KCNQ1OT1: variants seen among roughly 807,000 people sequenced by gnomAD.
KCNQ1OT1 encodes KCNQ1 antisense RNA 2 (non-protein coding).
rs1168195529 is a variant in KCNQ1OT1 at position 2,646,377 on chromosome 11, TG to T, written n.53617del. 9 of 398,534 alleles carry T rather than the reference TG, an allele frequency of 2.3e-5. No individual in the cohort carries two copies. In the Admixed American group the frequency reaches 3.1e-4, roughly 14 times the overall value. 24.7% of individuals were successfully genotyped at this position (398,534 alleles called of 1,614,324 possible). ...AAAATTTTGTAGCCTCTTCAATTAC[TG>T]TTATCAGTATTTTATAGTTTTCATT... On this transcript the variant is annotated non_coding_transcript_exon_variant, in exon 1 of 1. Coordinates refer to ENST00000597346, the Ensembl canonical transcript of KCNQ1OT1.
exon 1 of KCNQ1OT1, chr11:2,618,656 T>G (rs1346683086): frequency 2.5e-6 from 1 of 398,570 alleles, no homozygotes; most frequent in East Asian, 3.6e-5. Context: ...AGAACAGAAT[T>G]TTCAGAATTT....
rs1270053619 is a variant in KCNQ1OT1, at chr11:2,659,873, AT to A, written n.40121del. The stretch of plus-strand genomic sequence containing the variant: ...CTTTTCATGTGCTTATTTATAATCC[AT>A]TTTTAAAATTGGATTGTTCACTTTA... On this transcript the variant is annotated non_coding_transcript_exon_variant, in exon 1 of 1. Coordinates refer to ENST00000597346, the Ensembl canonical transcript of KCNQ1OT1. The surrounding 1 kb of genome is among the most constrained non-coding windows in gnomAD (Gnocchi z 4.3). 1 of 398,360 alleles carries A rather than the reference AT, an allele frequency of 2.5e-6. No individual in the cohort carries two copies. The highest frequency in any genetic ancestry group is 3.6e-5 in the East Asian group (1 of 28,026). The allele number at this position is 398,360 out of a possible 1,614,324, so 24.7% of individuals were successfully genotyped here.
In KCNQ1OT1 at chr11:2,657,986, CACTGTAAGTGAA is replaced by C; in HGVS notation, n.41997_42008del. On this transcript the variant is annotated non_coding_transcript_exon_variant, in exon 1 of 1. Coordinates refer to ENST00000597346, the Ensembl canonical transcript of KCNQ1OT1. The surrounding 1 kb of genome is among the most constrained non-coding windows in gnomAD (Gnocchi z 4.8). ...TAAAGTGGTGTCGGCCAGGCTCCTC[CACTGTAAGTGAA>C]TAGCTGTTTTTCCCTTTCCATAGCT... 1 of 398,584 alleles carries C rather than the reference CACTGTAAGTGAA, an allele frequency of 2.5e-6. No individual in the cohort carries two copies. Among genetic ancestry groups the C allele is most frequent in the Non-Finnish European group, 4.4e-6 (1 of 226,052 alleles). The allele number at this position is 398,584 out of a possible 1,614,324, so 24.7% of individuals were successfully genotyped here. A position where few individuals can be genotyped will look rare whatever the true frequency, so the allele number is the denominator to read the frequency against.
At chr11:2,689,796 A>T in exon 1 of KCNQ1OT1, 1 of 398,712 alleles carries the variant, frequency 2.5e-6, no homozygotes, top group Admixed American at 4.4e-5. Flanking sequence ...GAGGGGAAGC[A>T]CTGCGTTCTC....
At chr11:2,666,255 C>A in exon 1 of KCNQ1OT1, 1 of 398,624 alleles carries the variant, frequency 2.5e-6, no homozygotes, top group Non-Finnish European at 4.4e-6. Flanking sequence ...GGGGGAGGAC[C>A]AGGACCCCCG....
Position 2,621,281 on chromosome 11 carries a change from T to C in KCNQ1OT1, n.78714A>G. On this transcript the variant is annotated non_coding_transcript_exon_variant, in exon 1 of 1. Transcript: ENST00000597346. The surrounding 1 kb of genome is among the most constrained non-coding windows in gnomAD (Gnocchi z 5.7). ...GCATGAGCCACCGTGCCTGGCCTCA[T>C]TATTTGCATTTCTGATTATTAGTGA... 1 of 398,534 alleles carries C rather than the reference T, an allele frequency of 2.5e-6. No homozygotes were observed. The allele number at this position is 398,534 out of a possible 1,614,324, so 24.7% of individuals were successfully genotyped here. A position where few individuals can be genotyped will look rare whatever the true frequency, so the allele number is the denominator to read the frequency against.
Position 2,617,348 on chromosome 11 carries a change from CTTAT to C in KCNQ1OT1, n.82643_82646del. 1 of 398,276 alleles carries C rather than the reference CTTAT, an allele frequency of 2.5e-6. No homozygotes were observed. Among genetic ancestry groups the C allele is most frequent in the Non-Finnish European group, 4.4e-6 (1 of 225,888 alleles). 24.7% of individuals were successfully genotyped at this position (398,276 alleles called of 1,614,324 possible). ...TTTAAAACTTTTCATTTGTATATGGCTTATTTAACTTAGCACAATGTCTTCCAGT... is the reference window on the plus strand; with the variant it reads ...TTTAAAACTTTTCATTTGTATATGGCTTAACTTAGCACAATGTCTTCCAGT... On this transcript the variant is annotated non_coding_transcript_exon_variant, in exon 1 of 1. Transcript: ENST00000597346. This position sits in a 1 kb window ranked among gnomAD's most constrained non-coding sequence, Gnocchi z 4.6.
At chr11:2,692,725 C>T (rs1465025113) in exon 1 of KCNQ1OT1, 4 of 398,660 alleles carry the variant, frequency 1.0e-5, no homozygotes, top group African/African-American at 6.2e-5. Context: ...TAGGCAGGTC[C>T]CTGCTCCTAT....
rs1034551043 is a variant in KCNQ1OT1, at chr11:2,624,577, A to G, written n.75418T>C. 4 of 398,392 alleles carry G rather than the reference A, an allele frequency of 1.0e-5. No homozygotes were observed. The highest frequency in any genetic ancestry group is 4.4e-5 in the Admixed American group (1 of 22,708). The allele number at this position is 398,392 out of a possible 1,614,324, so 24.7% of individuals were successfully genotyped here. A position where few individuals can be genotyped will look rare whatever the true frequency, so the allele number is the denominator to read the frequency against. On this transcript the variant is annotated non_coding_transcript_exon_variant, in exon 1 of 1. Coordinates refer to ENST00000597346, the Ensembl canonical transcript of KCNQ1OT1. The surrounding 1 kb of genome is among the most constrained non-coding windows in gnomAD (Gnocchi z 4.9). ...TTTCCAAATCTTTTATTGTGGCAAA[A>G]TACACTTAACATAAAAATTACCATC...
rs541719547 is a variant in KCNQ1OT1, at chr11:2,679,746, T to C, written n.20249A>G. 5.0e-6 allele frequency: 2 copies of C among 398,576 alleles called. No homozygotes were observed. Among genetic ancestry groups the C allele is most frequent in the Non-Finnish European group, 8.8e-6 (2 of 226,050 alleles). The allele number at this position is 398,576 out of a possible 1,614,324, so 24.7% of individuals were successfully genotyped here. A position where few individuals can be genotyped will look rare whatever the true frequency, so the allele number is the denominator to read the frequency against. On this transcript the variant is annotated non_coding_transcript_exon_variant, in exon 1 of 1. Coordinates refer to ENST00000597346, the Ensembl canonical transcript of KCNQ1OT1. This position sits in a 1 kb window ranked among gnomAD's most constrained non-coding sequence, Gnocchi z 4.8. Reference sequence around the variant, plus strand: ...GTCCAGATGCTGTGGACAGTGATGATGGGAAAATAGTCCCTGCTGCACACT... The same window carrying C: ...GTCCAGATGCTGTGGACAGTGATGACGGGAAAATAGTCCCTGCTGCACACT...
At chr11:2,648,975 C>CTTTTTT (rs1849710100) in exon 1 of KCNQ1OT1, 1 of 336,654 alleles carries the variant, frequency 3.0e-6, no homozygotes, top group South Asian at 1.8e-4. Context: ...TCTCTTTTTT[C>CTTTTTT]TTTTTCTTTT....
chr11:2,619,863 T>A (rs1849135498), exon 1 of KCNQ1OT1: 1 of 398,452 alleles, frequency 2.5e-6, no homozygotes, highest in Non-Finnish European at 4.4e-6. Flanking sequence ...TTTTTTTAAC[T>A]TTTATTTTTG....
chr11:2,616,991 C>T, exon 1 of KCNQ1OT1: 1 of 397,602 alleles, frequency 2.5e-6, no homozygotes, highest in Non-Finnish European at 4.4e-6. Flanking sequence ...TAAAAATATG[C>T]ATATTTAGTG....
rs1472997408 is a variant in KCNQ1OT1, at chr11:2,626,982, G to A, written n.73013C>T. 2 of 398,436 alleles carry A rather than the reference G, an allele frequency of 5.0e-6. No individual in the cohort carries two copies. The highest frequency in any genetic ancestry group is 7.1e-5 in the East Asian group (2 of 28,076). The allele number at this position is 398,436 out of a possible 1,614,324, so 24.7% of individuals were successfully genotyped here. A position where few individuals can be genotyped will look rare whatever the true frequency, so the allele number is the denominator to read the frequency against. On this transcript the variant is annotated non_coding_transcript_exon_variant, in exon 1 of 1. Coordinates refer to ENST00000597346, the Ensembl canonical transcript of KCNQ1OT1. The surrounding 1 kb of genome is among the most constrained non-coding windows in gnomAD (Gnocchi z 4.0). The stretch of plus-strand genomic sequence containing the variant: ...ATAACATCATTAGGATTTTTATTGG[G>A]ATTACCTTGGATTTGTAGATTGTTT...
In KCNQ1OT1 at chr11:2,683,669, A is replaced by G; in HGVS notation, n.16326T>C. On this transcript the variant is annotated non_coding_transcript_exon_variant, in exon 1 of 1. Coordinates refer to ENST00000597346, the Ensembl canonical transcript of KCNQ1OT1. The surrounding 1 kb of genome is among the most constrained non-coding windows in gnomAD (Gnocchi z 4.7). ...GGAACATCCCTTACTTTCCCATCTC[A>G]ATACAACTGTGAAAAGCCTAGCCTG... 2.5e-6 allele frequency: 1 copy of G among 398,518 alleles called. No homozygotes were observed. Among genetic ancestry groups the G allele is most frequent in the Non-Finnish European group, 4.4e-6 (1 of 226,048 alleles). The allele number at this position is 398,518 out of a possible 1,614,324, so 24.7% of individuals were successfully genotyped here.
rs1315681977 is a variant in KCNQ1OT1, at chr11:2,670,735, A to T, written n.29260T>A. Reference sequence around the variant, plus strand: ...TGGAGCAGGAGGGAACAGTCTGCAGATATTATCTGGGCACTGGCCAGTGGC... The same window carrying T: ...TGGAGCAGGAGGGAACAGTCTGCAGTTATTATCTGGGCACTGGCCAGTGGC... On this transcript the variant is annotated non_coding_transcript_exon_variant, in exon 1 of 1. Transcript: ENST00000597346. This position sits in a 1 kb window ranked among gnomAD's most constrained non-coding sequence, Gnocchi z 4.9. 2.5e-6 allele frequency: 1 copy of T among 398,460 alleles called. No individual in the cohort carries two copies. Among genetic ancestry groups the T allele is most frequent in the East Asian group, 3.6e-5 (1 of 28,084 alleles). 24.7% of individuals were successfully genotyped at this position (398,460 alleles called of 1,614,324 possible). A position where few individuals can be genotyped will look rare whatever the true frequency, so the allele number is the denominator to read the frequency against.
In KCNQ1OT1 at chr11:2,668,482, CCATGATGGTGAATGT is replaced by C; in HGVS notation, n.31498_31512del. Reference sequence around the variant, plus strand: ...GCATTTTCCGTCGTTTCCTTTTCAGCCATGATGGTGAATGTCTAGCAGCATCAAATGGTGATTTTA... The same window carrying C: ...GCATTTTCCGTCGTTTCCTTTTCAGCCTAGCAGCATCAAATGGTGATTTTA... On this transcript the variant is annotated non_coding_transcript_exon_variant, in exon 1 of 1. Coordinates refer to ENST00000597346, the Ensembl canonical transcript of KCNQ1OT1. The surrounding 1 kb of genome is among the most constrained non-coding windows in gnomAD (Gnocchi z 4.3). The C allele has an allele frequency of 2.5e-6, 1 of 398,604 alleles. No homozygotes were observed. Among genetic ancestry groups the C allele is most frequent in the Non-Finnish European group, 4.4e-6 (1 of 226,066 alleles). The allele number at this position is 398,604 out of a possible 1,614,324, so 24.7% of individuals were successfully genotyped here. A position where few individuals can be genotyped will look rare whatever the true frequency, so the allele number is the denominator to read the frequency against.
In KCNQ1OT1 at chr11:2,659,446, T is replaced by G. The variant is rs1323488434; in HGVS notation, n.40549A>C. On this transcript the variant is annotated non_coding_transcript_exon_variant, in exon 1 of 1. Coordinates refer to ENST00000597346, the Ensembl canonical transcript of KCNQ1OT1. The surrounding 1 kb of genome is among the most constrained non-coding windows in gnomAD (Gnocchi z 4.3). ...TTGCATAAATCATTAGTTAATTTCT[T>G]TTTATTGCTGGGTGGTATTCCATTG... The G allele has an allele frequency of 2.5e-6, 1 of 398,486 alleles. No individual in the cohort carries two copies. Among genetic ancestry groups the G allele is most frequent in the Non-Finnish European group, 4.4e-6 (1 of 226,046 alleles). 24.7% of individuals were successfully genotyped at this position (398,486 alleles called of 1,614,324 possible).
rs530842002 is a variant in KCNQ1OT1, at chr11:2,623,686, G to A, written n.76309C>T. The stretch of plus-strand genomic sequence containing the variant: ...CTACTCACCTATGGAAGGACATCTC[G>A]GTTGCTTCCAATTTCAACAATCACA... On this transcript the variant is annotated non_coding_transcript_exon_variant, in exon 1 of 1. Transcript: ENST00000597346. The surrounding 1 kb of genome is among the most constrained non-coding windows in gnomAD (Gnocchi z 5.2). The A allele has an allele frequency of 5.6e-4, 223 of 398,362 alleles. No homozygotes were observed. Among genetic ancestry groups the A allele is most frequent in the African/African-American group, 4.1e-3 (198 of 48,676 alleles). 24.7% of individuals were successfully genotyped at this position (398,362 alleles called of 1,614,324 possible).
Sources: allele counts gnomAD v4.1 joint callset, GRCh38; gene constraint gnomAD v4.1.1; non-coding constraint Gnocchi (gnomAD v3.1); transcripts MANE v1.5; gene names NCBI Gene and HGNC (gene_info 2026-07-23, HGNC 2026-07-21).